The following ADSS1 variants were observed in gnomAD, a reference collection of about 807,000 sequenced individuals.
ADSS1 encodes adenylosuccinate synthetase isozyme 1.
ADSS1 carries 57 observed loss-of-function variants against 59.1 expected under a neutral mutation model. The ratio of observed to expected loss-of-function variants is 0.97; its 90% CI spans 0.78 to 1.20. ADSS1 has a LOEUF of 1.20. Among genes scored for constraint, ADSS1 ranks in the 50% most tolerant of loss-of-function variants. The pLI is 0.00. For synonymous variants in ADSS1, 247 were observed against 249.4 expected (o/e 0.99, Z 0.09); for missense variants, 603 against 610.3 (o/e 0.99, Z 0.13).
chr14:104,742,010 C>T lies in ADSS1; in HGVS notation c.948+8C>T. 6.2e-7 allele frequency: 1 copy of T among 1,612,330 alleles called. No homozygotes were observed. The highest frequency in any genetic ancestry group is 2.2e-5 in the East Asian group (1 of 44,862). On this transcript the variant is annotated splice_region_variant and intron_variant, in intron 9 of 12. Coordinates refer to ENST00000330877, the MANE Select transcript of ADSS1 (RefSeq NM_152328.5). ...CCCACCGAGCAGATCAACGTGAGTC[C>T]CCAGCCCCTCGGGACCCCGTGGGAG... is the stretch of plus-strand genomic sequence containing the variant.
At chr14:104,736,211 T>C (rs370892909) in intron 2 of ADSS1, among the ~76,000 whole-genome samples, 9 of 152,216 alleles carry the variant, frequency 5.9e-5, no homozygotes, top group East Asian at 3.8e-4. Context: ...CGGTCCCTAG[T>C]TCACAGCAGG....
chr14:104,744,991 G>A, intron 11 of ADSS1, 82 bp downstream of exon 11: 1 of 1,266,060 alleles, frequency 7.9e-7, no homozygotes, highest in South Asian at 1.3e-5. Flanking sequence ...TTCTCAGAGA[G>A]GGGTGAGTTC....
At position 104,741,888 on chromosome 14, in the gene ADSS1, C is replaced by T. The variant is rs757835976; in HGVS notation, c.834C>T (p.Gly278=). 1.7e-5 allele frequency: 28 copies of T among 1,613,324 alleles called. No homozygotes were observed. Among genetic ancestry groups the T allele is most frequent in the Admixed American group, 1.2e-4 (7 of 60,008 alleles). The change falls in exon 9 of 13, where the codon GGC becomes GGT. Residue 278 remains glycine (G), a synonymous_variant. Transcript: ENST00000330877. The part of the protein sequence containing the change: ...PFVTSSNCTV[G]GVCTGLGIPP... ...TGACTTCATCCAACTGCACCGTGGG[C>T]GGTGTGTGCACGGGCCTGGGCATCC...
At chr14:104,727,978 C>T (rs184224573) in intron 1 of ADSS1, among the ~76,000 whole-genome samples, 137 of 152,334 alleles carry the variant, frequency 9.0e-4, no homozygotes, top group African/African-American at 2.9e-3. Context: ...CCCAGCCTCC[C>T]GTGCCCTCCA....
chr14:104,735,528 C>T (rs1009642204), intron 2 of ADSS1, among the ~76,000 whole-genome samples: 4 of 152,212 alleles, frequency 2.6e-5, no homozygotes, highest in African/African-American at 4.8e-5. Context: ...CTTCTCGCTG[C>T]GTGGCGACCA....
chr14:104,736,716 T>G (rs1186414341), intron 2 of ADSS1, among the ~76,000 whole-genome samples: 1 of 151,720 alleles, frequency 6.6e-6, no homozygotes, highest in Non-Finnish European at 1.5e-5. Flanking sequence ...TTGTGTTTTT[T>G]TGTTTTTTGT....
chr14:104,744,732 G>A (rs1891493199), intron 10 of ADSS1, 80 bp from the exon 11 acceptor site: 14 of 1,375,284 alleles, frequency 1.0e-5, no homozygotes, highest in South Asian at 4.7e-5. Context: ...TAACAGAAGC[G>A]AGAGGTCAAA....
chr14:104,731,605 G>A (rs1323483781), intron 1 of ADSS1, among the ~76,000 whole-genome samples: 1 of 152,214 alleles, frequency 6.6e-6, no homozygotes, highest in Non-Finnish European at 1.5e-5. Flanking sequence ...GCTTTCAGAG[G>A]AGCAGGGCAG....
chr14:104,739,732 A>G lies in ADSS1; in HGVS notation c.410-18A>G, dbSNP rs763665743. 12 of 1,613,422 alleles carry G rather than the reference A, an allele frequency of 7.4e-6. No homozygotes were observed. ...TTCTCTCCTGTCTCCTGCTGCCCTCACCTGGCCCGCCCGACAGTGTTTGAT... is the reference window on the plus strand; with the variant it reads ...TTCTCTCCTGTCTCCTGCTGCCCTCGCCTGGCCCGCCCGACAGTGTTTGAT... On this transcript the variant is annotated intron_variant, in intron 4 of 12. Coordinates refer to ENST00000330877, the MANE Select transcript of ADSS1 (RefSeq NM_152328.5).
chr14:104,738,655 C>T (rs73360648), intron 3 of ADSS1, among the ~76,000 whole-genome samples: 2,151 of 152,338 alleles, frequency 0.014, 43 homozygotes, highest in African/African-American at 0.049. Flanking sequence ...CTCAGCATCA[C>T]GGGGCCAGGT....
chr14:104,741,699 C>T (rs2140814996), intron 8 of ADSS1, 149 bp from the exon 9 acceptor site: 3 of 949,424 alleles, frequency 3.2e-6, no homozygotes, highest in East Asian at 2.6e-5. Flanking sequence ...TCGGCCACTC[C>T]ACCAGGACAG....
intron 2 of ADSS1, 59 bp from the exon 3 acceptor site, chr14:104,738,313 TAATG>T (rs1891201550): frequency 6.4e-7 from 1 of 1,569,400 alleles, no homozygotes; most frequent in African/African-American, 1.4e-5. Flanking sequence ...ATGCTGTTCT[TAATG>T]TATGTTTTCC....
At chr14:104,735,791 C>T (rs1891098272) in intron 2 of ADSS1, among the ~76,000 whole-genome samples, 2 of 152,226 alleles carry the variant, frequency 1.3e-5, no homozygotes, top group African/African-American at 4.8e-5. Context: ...CTCTTTCCCT[C>T]CTTCTCTCGG....
rs746999029 is a variant in ADSS1, at chr14:104,739,353, C to T, written c.384C>T (p.Leu128=). 3.1e-6 allele frequency: 5 copies of T among 1,608,574 alleles called. No individual in the cohort carries two copies. Among genetic ancestry groups the T allele is most frequent in the South Asian group, 1.1e-5 (1 of 89,608 alleles). Reference sequence around the variant, plus strand: ...GCCTGAAGGACTGGGAGAAGAGGCTCATCATCTCTGACAGAGCCCACCTTG... The same window carrying T: ...GCCTGAAGGACTGGGAGAAGAGGCTTATCATCTCTGACAGAGCCCACCTTG... ...KKGLKDWEKR[L]IISDRAHLVF... is the part of the protein sequence containing the mutation. The change falls in exon 4 of 13, where the codon CTC becomes CTT. Residue 128 remains leucine, a synonymous_variant. Coordinates refer to ENST00000330877, the MANE Select transcript of ADSS1 (RefSeq NM_152328.5).
rs543186466 is a variant in ADSS1, at chr14:104,729,233, G to A, written c.192+4771G>A. Among the ~76,000 whole-genome samples the A allele has an allele frequency of 3.3e-5, 5 of 152,282 alleles. No individual in the cohort carries two copies. The East Asian group carries it at 7.7e-4, about 24-fold the overall frequency. On this transcript the variant is annotated intron_variant, in intron 1 of 12. Transcript: ENST00000330877. The stretch of plus-strand genomic sequence containing the variant: ...GTGGCAAGTGGGCCGGGAGTGGAGG[G>A]GGCCCTGGCAGGTCAAAGGAGGTCA...
intron 1 of ADSS1, among the ~76,000 whole-genome samples, chr14:104,725,483 G>A (rs1025584608): frequency 1.3e-5 from 2 of 152,194 alleles, no homozygotes; most frequent in African/African-American, 2.4e-5. Flanking sequence ...GGCCCAAGAC[G>A]AAGGGAGTCA....
At chr14:104,737,374 A>G (rs1317427202) in intron 2 of ADSS1, 3 of 152,180 alleles carry the variant, frequency 2.0e-5, no homozygotes, top group Non-Finnish European at 4.4e-5. Flanking sequence ...ACTCAGTAAC[A>G]TGCATTTAAC....
Position 104,724,314 on chromosome 14 carries a change from G to T in ADSS1, c.44G>T (p.Gly15Val). The change falls in exon 1 of 13, where the codon GGC becomes GTC. Residue 15 changes from glycine (G) to valine (V), a missense_variant. Transcript: ENST00000330877. ...RASNDRPPGA[G>V]GVKRGRLQQE... The stretch of plus-strand genomic sequence containing the variant: ...TCCAACGACCGGCCCCCCGGCGCAG[G>T]CGGCGTCAAGCGGGGGCGGCTGCAG... 8.1e-7 allele frequency: 1 copy of T among 1,236,246 alleles called. No homozygotes were observed. The highest frequency in any genetic ancestry group is 1.0e-6 in the Non-Finnish European group (1 of 987,416). 76.6% of individuals were successfully genotyped at this position (1,236,246 alleles called of 1,614,324 possible).
At chr14:104,742,938 A>T in intron 9 of ADSS1, 129 bp from the exon 10 acceptor site, 1 of 1,355,020 alleles carries the variant, frequency 7.4e-7, no homozygotes, top group Non-Finnish European at 1.0e-6. Context: ...GGATGTAAGG[A>T]CTGTCGGTGG....
Sources: gnomAD v4.1 joint callset for allele counts (sites outside exome capture counted in the v4.1 genomes callset) on GRCh38, gnomAD v4.1.1 for gene constraint, MANE v1.5 for transcripts, NCBI Gene and HGNC (gene_info 2026-07-23, HGNC 2026-07-21) for gene names.